Variants in TRAF3 observed in about 807,000 individuals in gnomAD.
The protein encoded by TRAF3 is TNF receptor associated factor 3, also known as TNF receptor-associated factor 3.
In TRAF3, 13 loss-of-function variants were observed where a neutral mutation model predicts 62.3. That is an observed-to-expected ratio of 0.21 (90% CI 0.14 to 0.33). The LOEUF is 0.33. TRAF3 is among the 10% of genes least tolerant of loss of function. The pLI is 1.00. For missense variants in TRAF3, 440 were observed against 741.8 expected (o/e 0.59, Z 4.73); for synonymous variants, 269 against 283.4 (o/e 0.95, Z 0.51).
At chr14:102,805,128 G>A (rs979821609) in intron 1 of TRAF3, among the ~76,000 whole-genome samples, 10 of 152,054 alleles carry the variant, frequency 6.6e-5, no homozygotes, top group African/African-American at 9.7e-5. Flanking sequence ...GTACCCTTTG[G>A]TTTAGATAAT....
intron 6 of TRAF3, among the ~76,000 whole-genome samples, chr14:102,885,584 G>A (rs544512162): frequency 6.6e-6 from 1 of 152,316 alleles, no homozygotes; most frequent in South Asian, 2.1e-4. Flanking sequence ...GGTGAAGTTT[G>A]TGCTATTAGG....
intron 2 of TRAF3, among the ~76,000 whole-genome samples, chr14:102,848,362 C>T (rs1230100942): frequency 6.6e-6 from 1 of 152,178 alleles, no homozygotes. Context: ...CCAGGAGTTC[C>T]AGGCTGCAGT....
At chr14:102,850,818 A>G (rs796218378) in intron 2 of TRAF3, among the ~76,000 whole-genome samples, 11 of 151,922 alleles carry the variant, frequency 7.2e-5, no homozygotes, top group African/African-American at 1.4e-4. Flanking sequence ...TAGTCACACA[A>G]TTCCCTTCAT....
chr14:102,819,273 C>T (rs746114695), intron 1 of TRAF3, among the ~76,000 whole-genome samples: 1 of 152,080 alleles, frequency 6.6e-6, no homozygotes, highest in Non-Finnish European at 1.5e-5. Context: ...AGGGGCTTCC[C>T]TGGCCACCCT....
At chr14:102,843,463 T>G (rs1193107672) in intron 2 of TRAF3, among the ~76,000 whole-genome samples, 3 of 151,702 alleles carry the variant, frequency 2.0e-5, no homozygotes, top group Non-Finnish European at 2.9e-5. Context: ...TCAGCCTCCC[T>G]AGTAGCTGGG....
chr14:102,799,181 T>A (rs560755483), intron 1 of TRAF3, among the ~76,000 whole-genome samples: 1 of 151,964 alleles, frequency 6.6e-6, no homozygotes, highest in African/African-American at 2.4e-5. Flanking sequence ...GGGGGGAGAT[T>A]AGTGCTGTGG....
intron 2 of TRAF3, among the ~76,000 whole-genome samples, chr14:102,840,773 A>C (rs7161606): frequency 0.29 from 44,343 of 152,022 alleles, 7,426 homozygotes; most frequent in African/African-American, 0.44. Context: ...ATTGACTTCT[A>C]TCTTAAACAA....
Position 102,903,333 on chromosome 14 carries a change from G to C in TRAF3, c.1039G>C (p.Ala347Pro). 1 of 1,614,232 alleles carries C rather than the reference G, an allele frequency of 6.2e-7. No individual in the cohort carries two copies. Among genetic ancestry groups the C allele is most frequent in the Non-Finnish European group, 8.5e-7 (1 of 1,180,046 alleles). Residue 347 changes from alanine to proline, a missense_variant, in exon 11 of 12, where the codon GCA becomes CCA. This residue lies in a region of TRAF3 where 255 missense variants were observed against 424.1 expected (regional missense o/e 0.60). Transcript: ENST00000392745. The surrounding 1 kb of genome is among the most constrained non-coding windows in gnomAD (Gnocchi z 6.4). The stretch of plus-strand genomic sequence containing the variant: ...GCCCTTCCGGCAGAACTGGGAGGAA[G>C]CAGACAGCATGAAGAGCAGCGTGGA... ...IRPFRQNWEEADSMKSSVESL... is the reference protein window; with the variant it reads ...IRPFRQNWEEPDSMKSSVESL...
At position 102,910,486 on chromosome 14, in the gene TRAF3, G is replaced by A. The variant is rs1320878155; in HGVS notation, c.*4702G>A. On this transcript the variant is annotated 3_prime_UTR_variant, in exon 12 of 12. Coordinates refer to ENST00000392745, the MANE Select transcript of TRAF3 (RefSeq NM_145725.3). Reference sequence around the variant, plus strand: ...GTCCTAGCCAGGCGAGGTCAGTGTCGGCAGGCTACCTGGTCATTATTGCTG... The same window carrying A: ...GTCCTAGCCAGGCGAGGTCAGTGTCAGCAGGCTACCTGGTCATTATTGCTG... The A allele has an allele frequency of 1.3e-5, 2 of 152,244 alleles. No individual in the cohort carries two copies. The highest frequency in any genetic ancestry group is 2.4e-5 in the African/African-American group (1 of 41,452). The allele number at this position is 152,244 out of a possible 1,614,324, so 9.4% of individuals were successfully genotyped here.
intron 1 of TRAF3, among the ~76,000 whole-genome samples, chr14:102,819,289 C>T (rs80205834): frequency 0.022 from 3,381 of 152,176 alleles, 146 homozygotes; most frequent in African/African-American, 0.078. Flanking sequence ...ACCCTCTGCT[C>T]GGGCCCTTCC....
intron 2 of TRAF3, among the ~76,000 whole-genome samples, chr14:102,841,456 AG>A: frequency 6.6e-6 from 1 of 152,304 alleles, no homozygotes; most frequent in African/African-American, 2.4e-5. Context: ...GATCCTTTGA[AG>A]GGTTGCCTTT....
At chr14:102,787,226 A>C (rs553766856) in intron 1 of TRAF3, among the ~76,000 whole-genome samples, 3 of 152,324 alleles carry the variant, frequency 2.0e-5, no homozygotes, top group African/African-American at 7.2e-5. Context: ...ATTTATAAAA[A>C]GGGTAAAATG....
chr14:102,866,376 G>A (rs755274139), intron 2 of TRAF3, among the ~76,000 whole-genome samples: 1 of 152,092 alleles, frequency 6.6e-6, no homozygotes, highest in Non-Finnish European at 1.5e-5. Flanking sequence ...TAACAAGTCT[G>A]CATGTACTGC....
chr14:102,900,179 G>GA lies in TRAF3; in HGVS notation c.960+2778_960+2779insA, dbSNP rs1566807952. ...GGGAGAAAGAGCAAGACTCCGTCTC[G>GA]GAAAAAAAAAAAAAAAAAAAAAAAG... On this transcript the variant is annotated intron_variant, in intron 10 of 11. Transcript: ENST00000392745. Among the ~76,000 whole-genome samples, 51 of 83,744 alleles carry GA rather than the reference G, an allele frequency of 6.1e-4. 8 individuals are homozygous for GA. The highest frequency in any genetic ancestry group is 2.1e-3 in the African/African-American group (41 of 19,248). The allele number at this position is 83,744 out of a possible 152,430, so 54.9% of individuals were successfully genotyped here. A position where few individuals can be genotyped will look rare whatever the true frequency, so the allele number is the denominator to read the frequency against.
intron 2 of TRAF3, among the ~76,000 whole-genome samples, chr14:102,845,980 CAAAAAAAAAA>C (rs35353834): frequency 5.3e-5 from 3 of 56,850 alleles, no homozygotes; most frequent in Non-Finnish European, 1.1e-4. Flanking sequence ...GACCGTGTCT[CAAAAAAAAAA>C]AAAAAAAAAA....
At chr14:102,793,569 GGAT>G (rs1276401584) in intron 1 of TRAF3, among the ~76,000 whole-genome samples, 2 of 152,286 alleles carry the variant, frequency 1.3e-5, no homozygotes, top group Admixed American at 6.5e-5. Flanking sequence ...TCTCTGGCTG[GGAT>G]GATGATGATT....
At chr14:102,829,182 C>T (rs1026716565) in intron 1 of TRAF3, among the ~76,000 whole-genome samples, 4 of 152,182 alleles carry the variant, frequency 2.6e-5, no homozygotes, top group African/African-American at 9.7e-5. Context: ...TTTATATGTC[C>T]AATGCCAAGA....
At position 102,786,684 on chromosome 14, in the gene TRAF3, T is replaced by TA. The variant is rs563626261; in HGVS notation, c.-157+9019dup. Among the ~76,000 whole-genome samples the TA allele has an allele frequency of 7.3e-3, 1,080 of 148,332 alleles. 10 individuals are homozygous for TA. Among genetic ancestry groups the TA allele is most frequent in the Middle Eastern group, 0.021 (6 of 288 alleles). On this transcript the variant is annotated intron_variant, in intron 1 of 11. Coordinates refer to ENST00000392745, the MANE Select transcript of TRAF3 (RefSeq NM_145725.3). ...CCTGGGCAACAAGAGTAAAACTGTCTAAAAAAAAAACGAGCCTGTGCCAGG... is the reference window on the plus strand; with the variant it reads ...CCTGGGCAACAAGAGTAAAACTGTCTAAAAAAAAAAACGAGCCTGTGCCAGG...
intron 2 of TRAF3, among the ~76,000 whole-genome samples, chr14:102,842,554 A>G (rs1886439989): frequency 6.6e-6 from 1 of 152,124 alleles, no homozygotes; most frequent in South Asian, 2.1e-4. Context: ...AGAGGAGGGA[A>G]TGGAAAAAAT....
Sources: gnomAD v4.1 joint callset for allele counts (sites outside exome capture counted in the v4.1 genomes callset) on GRCh38, gnomAD v4.1.1 for gene constraint, gnomAD v4.1.1 regional missense constraint, Gnocchi (gnomAD v3.1) non-coding constraint, MANE v1.5 for transcripts, NCBI Gene and HGNC (gene_info 2026-07-23, HGNC 2026-07-21) for gene names.